SNX29: variants seen among roughly 807,000 people sequenced by gnomAD.
SNX29 encodes the protein sorting nexin 29, also known as sorting nexin-29.
SNX29 carries 78 observed loss-of-function variants against 102.1 expected under a neutral mutation model. The observed-to-expected ratio is 0.76, with a 90% CI of 0.64 to 0.92. The LOEUF is 0.92. Among genes scored for constraint, SNX29 ranks in the 40% least tolerant of loss-of-function variants. The pLI is 0.00. For synonymous variants in SNX29, 580 were observed against 414.5 expected, an observed-to-expected ratio of 1.40 and a Z score of -4.85; for missense variants, 1,280 against 1,061.7, an observed-to-expected ratio of 1.21 and a Z score of -2.86.
intron 20 of SNX29, among the ~76,000 whole-genome samples, chr16:12,566,127 C>A (rs1048906303): frequency 1.3e-5 from 2 of 152,240 alleles, no homozygotes; most frequent in African/African-American, 2.4e-5. Context: ...GTCCAAGGCT[C>A]AGAGGGCAGG....
intron 14 of SNX29, among the ~76,000 whole-genome samples, chr16:12,274,697 A>G (rs2079192736): frequency 6.6e-6 from 1 of 152,024 alleles, no homozygotes. Context: ...GCACCACACC[A>G]TACTAATTTT....
chr16:12,110,810 A>G (rs1045315866), intron 11 of SNX29, among the ~76,000 whole-genome samples: 4 of 151,922 alleles, frequency 2.6e-5, no homozygotes, highest in Admixed American at 2.0e-4. Flanking sequence ...TTAACAAAAA[A>G]TGGTGTTTTT....
At chr16:12,331,409 A>G (rs1596946295) in intron 15 of SNX29, among the ~76,000 whole-genome samples, 1 of 152,318 alleles carries the variant, frequency 6.6e-6, no homozygotes, top group East Asian at 1.9e-4. Context: ...TCCAAAAAGC[A>G]TTTGAAGCAG....
At chr16:12,388,619 A>G (rs2083416806) in intron 16 of SNX29, among the ~76,000 whole-genome samples, 1 of 152,210 alleles carries the variant, frequency 6.6e-6, no homozygotes, top group African/African-American at 2.4e-5. Flanking sequence ...CACTTTGCTG[A>G]TGCAGCCTGA....
intron 10 of SNX29, among the ~76,000 whole-genome samples, chr16:12,070,318 C>A (rs2051236770): frequency 9.9e-6 from 1 of 101,476 alleles, no homozygotes; most frequent in Non-Finnish European, 1.9e-5. Flanking sequence ...CTAATGCTAT[C>A]CCTCCCCCCT....
At chr16:12,310,441 A>G (rs1048918709) in intron 15 of SNX29, among the ~76,000 whole-genome samples, 6 of 152,158 alleles carry the variant, frequency 3.9e-5, no homozygotes, top group Admixed American at 2.0e-4. Context: ...AAAGATACAC[A>G]AGTTGTGTCA....
chr16:12,373,306 T>G (rs1415923963), intron 16 of SNX29, among the ~76,000 whole-genome samples: 1 of 152,114 alleles, frequency 6.6e-6, no homozygotes, highest in Non-Finnish European at 1.5e-5. Flanking sequence ...CTAACTCAAA[T>G]TTTTATAGAG....
rs751733454 is a variant in SNX29, at chr16:12,069,043, C to T, written c.1244-14C>T. On this transcript the variant is annotated splice_polypyrimidine_tract_variant and intron_variant, in intron 9 of 20. Coordinates refer to ENST00000566228, the MANE Select transcript of SNX29 (RefSeq NM_032167.5). ...GAAAAGTGACCTCTTTCTGTGATTG[C>T]TCTCTCTGCACAGATGCCCCCCTCG... 1.2e-6 allele frequency: 2 copies of T among 1,612,446 alleles called. No individual in the cohort carries two copies. The highest frequency in any genetic ancestry group is 1.7e-4 in the Middle Eastern group (1 of 6,056).
chr16:12,469,268 A>C (rs374513198), intron 18 of SNX29, among the ~76,000 whole-genome samples: 15 of 152,372 alleles, frequency 9.8e-5, no homozygotes, highest in African/African-American at 3.1e-4. Context: ...ATTTGGCTGC[A>C]ATAATATCCG....
At chr16:12,442,784 A>G (rs547229463) in intron 18 of SNX29, among the ~76,000 whole-genome samples, 7 of 152,044 alleles carry the variant, frequency 4.6e-5, no homozygotes, top group Non-Finnish European at 7.4e-5. Flanking sequence ...TGCAGAGACA[A>G]GGTCTCACTA....
chr16:12,213,319 G>A (rs1366092368), intron 14 of SNX29, among the ~76,000 whole-genome samples: 1 of 152,096 alleles, frequency 6.6e-6, no homozygotes, highest in Non-Finnish European at 1.5e-5. Context: ...AGGGACATTA[G>A]AAACTCTGAG....
intron 11 of SNX29, among the ~76,000 whole-genome samples, chr16:12,125,913 C>A (rs1241081977): frequency 2.6e-5 from 4 of 152,102 alleles, no homozygotes; most frequent in Admixed American, 6.5e-5. Flanking sequence ...CCCCCTTCTC[C>A]CATGCCTGCA....
intron 15 of SNX29, among the ~76,000 whole-genome samples, chr16:12,333,047 C>T: frequency 6.6e-6 from 1 of 151,472 alleles, no homozygotes; most frequent in East Asian, 1.9e-4. Flanking sequence ...TATTTAGCAT[C>T]CTGGATATTT....
chr16:12,275,443 C>T (rs74655964), intron 14 of SNX29, among the ~76,000 whole-genome samples: 7 of 152,350 alleles, frequency 4.6e-5, no homozygotes, highest in Non-Finnish European at 7.3e-5. Context: ...TTTTGCTAAT[C>T]GCTTCTTAAA....
chr16:12,327,577 ATTTACCC>A (rs1256168073), intron 15 of SNX29, among the ~76,000 whole-genome samples: 1 of 152,084 alleles, frequency 6.6e-6, no homozygotes, highest in Non-Finnish European at 1.5e-5. Flanking sequence ...TAATGACCTC[ATTTACCC>A]TTAGTTACCT....
Position 11,999,285 on chromosome 16 carries a change from A to G in SNX29, c.8-12A>G, listed in dbSNP as rs755402188. On this transcript the variant is annotated splice_polypyrimidine_tract_variant and intron_variant, in intron 1 of 20. Coordinates refer to ENST00000566228, the MANE Select transcript of SNX29 (RefSeq NM_032167.5). ...CGTCAGAGAGAACTAATTAAGCCTC[A>G]TTGCATTTTAGGATCACAGAACAAT... 4 of 1,613,850 alleles carry G rather than the reference A, an allele frequency of 2.5e-6. No homozygotes were observed. The Admixed American group carries it at 5.0e-5, about 20-fold the overall frequency.
At chr16:12,562,813 C>A (rs12931055) in intron 20 of SNX29, among the ~76,000 whole-genome samples, 39,617 of 151,940 alleles carry the variant, frequency 0.26, 5,743 homozygotes, top group East Asian at 0.44. Context: ...CAACTCCTTT[C>A]CCCCCAAATT....
chr16:12,149,769 G>A (rs2055220242), intron 13 of SNX29, among the ~76,000 whole-genome samples: 1 of 152,186 alleles, frequency 6.6e-6, no homozygotes, highest in Non-Finnish European at 1.5e-5. Flanking sequence ...TGAGACACAG[G>A]AAGCTAATAA....
intron 13 of SNX29, among the ~76,000 whole-genome samples, chr16:12,139,840 G>C (rs2054803507): frequency 1.3e-5 from 2 of 151,946 alleles, no homozygotes; most frequent in Admixed American, 1.3e-4. Flanking sequence ...AATTAGCGGT[G>C]CGTGGTGGTG....
Sources: allele counts gnomAD v4.1 joint callset (sites outside exome capture counted in the v4.1 genomes callset), GRCh38; gene constraint gnomAD v4.1.1; transcripts MANE v1.5; gene names NCBI Gene and HGNC (gene_info 2026-07-23, HGNC 2026-07-21).